Variants in LRBA observed in about 807,000 individuals in gnomAD.
LRBA encodes LPS responsive beige-like anchor protein.
Under a neutral mutation model 330.0 loss-of-function variants are expected in LRBA, and 176 were observed. That is an observed-to-expected ratio of 0.53 (90% CI 0.47 to 0.60). The LOEUF (loss-of-function observed/expected upper bound fraction) is 0.60. Among genes scored for constraint, LRBA ranks in the 20% least tolerant of loss-of-function variants. LRBA has a pLI of 0.00. For missense variants in LRBA, 3,259 were observed against 3,444.8 expected (o/e 0.95, Z 1.35); for synonymous variants, 1,230 against 1,193.0 (o/e 1.03, Z -0.64).
At chr4:150,378,479 A>C (rs1455247767) in intron 47 of LRBA, among the ~76,000 whole-genome samples, 1 of 152,218 alleles carries the variant, frequency 6.6e-6, no homozygotes, top group Non-Finnish European at 1.5e-5. Context: ...CAAAGATGTT[A>C]ATTGTGTAAG....
intron 39 of LRBA, among the ~76,000 whole-genome samples, chr4:150,589,212 C>T: frequency 6.6e-6 from 1 of 152,154 alleles, no homozygotes. Flanking sequence ...TATAAACAAG[C>T]TGTGCCTATT....
chr4:150,986,697 A>C (rs1352206300), intron 2 of LRBA, among the ~76,000 whole-genome samples: 3 of 149,802 alleles, frequency 2.0e-5, no homozygotes, highest in African/African-American at 4.9e-5. Context: ...AAAACAAAAC[A>C]GAGATCTACT....
At chr4:150,822,900 C>T (rs904847241) in intron 30 of LRBA, among the ~76,000 whole-genome samples, 2 of 152,154 alleles carry the variant, frequency 1.3e-5, no homozygotes, top group African/African-American at 4.8e-5. Flanking sequence ...CAAAGACTAG[C>T]TGGGCATGGT....
At chr4:150,678,874 T>G (rs182400033) in intron 37 of LRBA, among the ~76,000 whole-genome samples, 97 of 152,252 alleles carry the variant, frequency 6.4e-4, no homozygotes, top group African/African-American at 2.3e-3. Context: ...GAGTACCCAT[T>G]TGCTTGATTA....
chr4:150,870,496 GT>G, intron 20 of LRBA, 28 bp downstream of exon 20: 1 of 1,231,394 alleles, frequency 8.1e-7, no homozygotes, highest in South Asian at 1.2e-5. Context: ...GCAAAAGGTA[GT>G]TTTTGTTAAA....
intron 36 of LRBA, among the ~76,000 whole-genome samples, chr4:150,699,011 A>C (rs918737475): frequency 6.6e-6 from 1 of 152,220 alleles, no homozygotes; most frequent in Non-Finnish European, 1.5e-5. Flanking sequence ...GCTACAACAT[A>C]TATGATAAAT....
intron 47 of LRBA, among the ~76,000 whole-genome samples, chr4:150,391,021 C>T (rs1167146154): frequency 2.0e-5 from 3 of 152,174 alleles, no homozygotes; most frequent in African/African-American, 7.2e-5. Context: ...TGATACCGCA[C>T]TTCCCAAACT....
rs1424803886 is a variant in LRBA at position 150,620,509 on chromosome 4, T to A, written c.5922-21378A>T. ...CATCAAAAAGACATCTGCAAGCATA[T>A]GTTTATTGCAGCACAATTCACAGCT... is the stretch of plus-strand genomic sequence containing the variant. On this transcript the variant is annotated intron_variant, in intron 37 of 56. Transcript: ENST00000651943. 2.6e-5 allele frequency among the ~76,000 whole-genome samples: 4 copies of A among 152,318 alleles called. No homozygotes were observed. In the East Asian group the frequency reaches 7.7e-4, roughly 29 times the overall value.
chr4:150,310,454 G>T (rs116243772), intron 51 of LRBA, 70 bp from the exon 52 acceptor site: 15,455 of 996,394 alleles, frequency 0.016, 177 homozygotes, highest in African/African-American at 0.028. Flanking sequence ...TGAGGGAGAA[G>T]AGGAGACACA....
intron 27 of LRBA, 43 bp from the exon 28 acceptor site, chr4:150,844,250 T>A (rs767341875): frequency 1.1e-6 from 1 of 942,362 alleles, no homozygotes; most frequent in Non-Finnish European, 1.6e-6. Flanking sequence ...TATATTCATA[T>A]ATACATTACA....
intron 40 of LRBA, among the ~76,000 whole-genome samples, chr4:150,566,306 A>G (rs1009972241): frequency 5.3e-5 from 8 of 152,170 alleles, no homozygotes; most frequent in African/African-American, 1.7e-4. Flanking sequence ...AGTATAACTA[A>G]TTTTATTACT....
At chr4:150,735,188 C>T (rs952695412) in intron 36 of LRBA, 70 bp downstream of exon 36, 4 of 1,149,424 alleles carry the variant, frequency 3.5e-6, no homozygotes, top group Non-Finnish European at 1.3e-6. Flanking sequence ...TGCCATTTTA[C>T]CGGGACAATT....
intron 47 of LRBA, among the ~76,000 whole-genome samples, chr4:150,408,688 T>C (rs1291876113): frequency 6.6e-6 from 1 of 152,066 alleles, no homozygotes; most frequent in East Asian, 1.9e-4. Context: ...CCAGGACATA[T>C]CAAAAGAACT....
At chr4:150,716,926 T>G (rs1728275308) in intron 36 of LRBA, among the ~76,000 whole-genome samples, 1 of 152,238 alleles carries the variant, frequency 6.6e-6, no homozygotes, top group Admixed American at 6.5e-5. Flanking sequence ...AATTGTTCTG[T>G]GATCAAAGCT....
At chr4:150,327,536 C>T (rs1733451834) in intron 48 of LRBA, among the ~76,000 whole-genome samples, 1 of 152,126 alleles carries the variant, frequency 6.6e-6, no homozygotes, top group Admixed American at 6.6e-5. Context: ...AGGGAGGTGG[C>T]AAAGAACTTA....
intron 2 of LRBA, among the ~76,000 whole-genome samples, chr4:151,001,016 T>C (rs976065640): frequency 2.6e-5 from 4 of 152,224 alleles, no homozygotes; most frequent in Non-Finnish European, 5.9e-5. Flanking sequence ...TCATGGGCTC[T>C]GAAACTAACA....
At chr4:150,374,846 C>T (rs1466339928) in intron 47 of LRBA, among the ~76,000 whole-genome samples, 1 of 152,084 alleles carries the variant, frequency 6.6e-6, no homozygotes. Flanking sequence ...TAGTAAGACT[C>T]CAAAATACAG....
intron 37 of LRBA, among the ~76,000 whole-genome samples, chr4:150,655,921 T>C (rs1780143702): frequency 6.6e-6 from 1 of 152,232 alleles, no homozygotes; most frequent in South Asian, 2.1e-4. Context: ...GGGGTATTTA[T>C]CGCCAACTGC....
At chr4:150,651,584 T>C (rs1205399422) in intron 37 of LRBA, among the ~76,000 whole-genome samples, 1 of 152,068 alleles carries the variant, frequency 6.6e-6, no homozygotes, top group African/African-American at 2.4e-5. Context: ...AAAGCTCCCA[T>C]GGCAACCTAG....
Sources: gnomAD v4.1 joint callset for allele counts (sites outside exome capture counted in the v4.1 genomes callset) on GRCh38, gnomAD v4.1.1 for gene constraint, MANE v1.5 for transcripts, NCBI Gene and HGNC (gene_info 2026-07-23, HGNC 2026-07-21) for gene names.